YLPM1: variants seen among roughly 807,000 people sequenced by gnomAD.
The protein encoded by YLPM1 is YLP motif containing 1.
Under a neutral mutation model 230.0 loss-of-function variants are expected in YLPM1, and 99 were observed. That is an observed-to-expected ratio of 0.43 (90% CI 0.37 to 0.51). The LOEUF (loss-of-function observed/expected upper bound fraction) is 0.51. YLPM1 is among the 20% of genes least tolerant of loss of function. YLPM1 has a pLI of 0.00. For synonymous variants in YLPM1, 984 were observed against 942.5 expected (o/e 1.04, Z -0.81); for missense variants, 2,592 against 2,707.7 (o/e 0.96, Z 0.95).
rs750106759 is a variant in YLPM1 at position 74,764,337 on chromosome 14, C to T, written c.848C>T (p.Pro283Leu). The change falls in exon 1 of 21, where the codon CCA (proline) becomes CTA (leucine). Residue 283 changes from proline to leucine, a missense_variant. By Grantham distance (98) the Pro-to-Leu change is moderately conservative. This residue lies in a region of YLPM1 where 1,862 missense variants were observed against 1,819.8 expected (regional missense o/e 1.02). Transcript: ENST00000325680. ...GAACAGCAGCAAGCCGCCCCTGAGC[C>T]AGATCCCTCTACGATGACTCCACAG... is the stretch of plus-strand genomic sequence containing the variant. ...STEQQQAAPE[P>L]DPSTMTPQEQ... 1.8e-5 allele frequency: 29 copies of T among 1,612,078 alleles called. No individual in the cohort carries two copies. In the South Asian group the frequency reaches 3.2e-4, roughly 18 times the overall value.
chr14:74,780,275 C>T (rs761257006), intron 2 of YLPM1, 130 bp from the exon 3 acceptor site: 67 of 1,142,226 alleles, frequency 5.9e-5, no homozygotes, highest in Non-Finnish European at 7.5e-5. Context: ...CCAAAAAGAA[C>T]TGAAGATACT....
intron 1 of YLPM1, among the ~76,000 whole-genome samples, chr14:74,775,490 T>A (rs1186976328): frequency 1.3e-5 from 2 of 152,226 alleles, no homozygotes; most frequent in African/African-American, 4.8e-5. Context: ...TATCCAGAGA[T>A]AATTGGATTA....
intron 4 of YLPM1, among the ~76,000 whole-genome samples, chr14:74,786,361 C>CAAA (rs57016882): frequency 1.7e-4 from 14 of 80,162 alleles, no homozygotes; most frequent in African/African-American, 3.1e-4. Flanking sequence ...GACTCCGTCT[C>CAAA]AAAAAAAAAA....
chr14:74,823,464 A>G (rs369275024), intron 17 of YLPM1, among the ~76,000 whole-genome samples: 3 of 152,266 alleles, frequency 2.0e-5, no homozygotes, highest in Non-Finnish European at 2.9e-5. Flanking sequence ...GCATAGTTCA[A>G]TAGGCACACT....
At chr14:74,769,852 CCCCCCCCCCCG>C (rs2090957497) in intron 1 of YLPM1, among the ~76,000 whole-genome samples, 1 of 52,248 alleles carries the variant, frequency 1.9e-5, no homozygotes, top group African/African-American at 1.1e-4. Context: ...AAGTGAGACA[CCCCCCCCCCCG>C]CCCCCCGCCC....
At chr14:74,776,430 GT>G (rs747011952) in intron 1 of YLPM1, among the ~76,000 whole-genome samples, 1 of 152,174 alleles carries the variant, frequency 6.6e-6, no homozygotes, top group Non-Finnish European at 1.5e-5. Flanking sequence ...TGTAGCACTT[GT>G]CCGAACAAAG....
At position 74,819,615 on chromosome 14, in the gene YLPM1, C is replaced by T. The variant is rs149307505; in HGVS notation, c.6030+1301C>T. 1.3e-3 allele frequency among the ~76,000 whole-genome samples: 195 copies of T among 152,238 alleles called. 1 individual carries two copies. Among genetic ancestry groups the T allele is most frequent in the African/African-American group, 4.6e-3 (193 of 41,536 alleles). ...TGTGTTTTTAATTCCCATGCCATTT[C>T]TCAACCCATTTTTTTCTGGCTTCTG... On this transcript the variant is annotated intron_variant, in intron 16 of 20. Coordinates refer to ENST00000325680, the MANE Select transcript of YLPM1 (RefSeq NM_019589.3).
rs773848234 is a variant in YLPM1, at chr14:74,798,318, T to G, written c.3021T>G (p.Asp1007Glu). The G allele has an allele frequency of 6.2e-7, 1 of 1,613,748 alleles. No individual in the cohort carries two copies. The highest frequency in any genetic ancestry group is 1.7e-5 in the Admixed American group (1 of 59,990). Residue 1007 changes from aspartate (D) to glutamate (E), a missense_variant, in exon 5 of 21, where the codon GAT (aspartate) becomes GAG (glutamate). Asp to Glu is a conservative substitution (Grantham distance 45). Coordinates refer to ENST00000325680, the MANE Select transcript of YLPM1 (RefSeq NM_019589.3). ...DKGLPRPDNR[D>E]NRLEGNRGNS... ...GCCTGCCTCGGCCAGATAATAGAGA[T>G]AATAGATTAGAAGGCAATAGAGGCA...
At position 74,817,292 on chromosome 14, in the gene YLPM1, C is replaced by T. The variant is rs376675254; in HGVS notation, c.5946+15C>T. 12 of 1,559,516 alleles carry T rather than the reference C, an allele frequency of 7.7e-6. No homozygotes were observed. Among genetic ancestry groups the T allele is most frequent in the Non-Finnish European group, 1.0e-5 (12 of 1,150,966 alleles). On this transcript the variant is annotated intron_variant, in intron 15 of 20. Coordinates refer to ENST00000325680, the MANE Select transcript of YLPM1 (RefSeq NM_019589.3). ...AAATAAATAAGGTGATTTTAAGAAA[C>T]ATAGAATAATAGAGTACTATCATGC...
chr14:74,794,812 TAAGG>T (rs1566749314), intron 4 of YLPM1, among the ~76,000 whole-genome samples: 1 of 151,982 alleles, frequency 6.6e-6, no homozygotes, highest in Non-Finnish European at 1.5e-5. Flanking sequence ...TATATCAAAT[TAAGG>T]AAGAAATATT....
At position 74,768,820 on chromosome 14, in the gene YLPM1, C is replaced by T. The variant is rs1385807182; in HGVS notation, c.873+4458C>T. 4.6e-5 allele frequency among the ~76,000 whole-genome samples: 7 copies of T among 151,862 alleles called. 1 individual carries two copies. Among genetic ancestry groups the T allele is most frequent in the Admixed American group, 1.3e-4 (2 of 15,252 alleles). ...CATTTAGTAAGTAATTAAGAGGAGACGTACAGAGTGCTATGGGATTATAAA... is the reference window on the plus strand; with the variant it reads ...CATTTAGTAAGTAATTAAGAGGAGATGTACAGAGTGCTATGGGATTATAAA... On this transcript the variant is annotated intron_variant, in intron 1 of 20. Coordinates refer to ENST00000325680, the MANE Select transcript of YLPM1 (RefSeq NM_019589.3).
intron 1 of YLPM1, among the ~76,000 whole-genome samples, chr14:74,774,368 G>T (rs1366551291): frequency 6.6e-6 from 1 of 152,152 alleles, no homozygotes. Context: ...AAGTAGCTGG[G>T]ATTACAGGCA....
rs757836692 is a variant in YLPM1 at position 74,816,680 on chromosome 14, T to A, written c.5675T>A (p.Val1892Glu). Residue 1892 changes from valine (V) to glutamate (E), a missense_variant, in exon 13 of 21, where the codon GTG becomes GAG. This residue lies in a region of YLPM1 where 315 missense variants were observed against 429.3 expected (regional missense o/e 0.73). Transcript: ENST00000325680. The stretch of plus-strand genomic sequence containing the variant: ...AAAGATCCAGATTCTGGAAAGAAAG[T>A]GAAAAAGAAGGTATGGTATTCATCT... ...EEKDPDSGKK[V>E]KKKVMEYEYE... 2.5e-6 allele frequency: 4 copies of A among 1,611,904 alleles called. No homozygotes were observed. The highest frequency in any genetic ancestry group is 3.4e-6 in the Non-Finnish European group (4 of 1,179,164).
At chr14:74,797,527 A>AT (rs538785709) in intron 4 of YLPM1, 53 bp from the exon 5 acceptor site, 5,224 of 1,272,438 alleles carry the variant, frequency 4.1e-3, no homozygotes, top group South Asian at 5.7e-3. Flanking sequence ...TACATGGAGA[A>AT]TTTTTTTTTT....
intron 1 of YLPM1, among the ~76,000 whole-genome samples, chr14:74,769,877 A>G (rs566845812): frequency 5.3e-5 from 7 of 131,628 alleles, no homozygotes; most frequent in African/African-American, 1.9e-4. Context: ...CCCGCCCACA[A>G]AAAGTTTAAA....
At chr14:74,778,346 T>C in intron 1 of YLPM1, 101 bp from the exon 2 acceptor site, 1 of 1,020,388 alleles carries the variant, frequency 9.8e-7, no homozygotes, top group Non-Finnish European at 1.4e-6. Context: ...TTTTTACATA[T>C]AGACACATGA....
At chr14:74,806,208 TC>T in intron 6 of YLPM1, among the ~76,000 whole-genome samples, 1 of 151,670 alleles carries the variant, frequency 6.6e-6, no homozygotes, top group South Asian at 2.1e-4. Flanking sequence ...AATATAAAAA[TC>T]AGCTGGGCTT....
At chr14:74,766,276 A>G (rs2090910249) in intron 1 of YLPM1, among the ~76,000 whole-genome samples, 1 of 152,208 alleles carries the variant, frequency 6.6e-6, no homozygotes, top group African/African-American at 2.4e-5. Context: ...TGCCAGTACC[A>G]GTCTCTGGCA....
At position 74,797,653 on chromosome 14, in the gene YLPM1, G is replaced by A; in HGVS notation, c.2356G>A (p.Glu786Lys). The A allele has an allele frequency of 1.3e-6, 2 of 1,587,174 alleles. No homozygotes were observed. The highest frequency in any genetic ancestry group is 1.7e-6 in the Non-Finnish European group (2 of 1,165,988). ...EGPRPKGPRF[E>K]GNRPDGPRPR... ...ACCGAGACCCAAAGGGCCTCGTTTT[G>A]AAGGAAATCGCCCCGATGGGCCAAG... Residue 786 changes from glutamate to lysine, a missense_variant, in exon 5 of 21, where the codon GAA becomes AAA. By Grantham distance (56) the Glu-to-Lys change is moderately conservative (BLOSUM62 1). This residue lies in a region of YLPM1 where 1,862 missense variants were observed against 1,819.8 expected (regional missense o/e 1.02). Transcript: ENST00000325680.
Sources: allele counts gnomAD v4.1 joint callset (sites outside exome capture counted in the v4.1 genomes callset), GRCh38; gene constraint gnomAD v4.1.1; regional missense constraint gnomAD v4.1.1; transcripts MANE v1.5; gene names NCBI Gene and HGNC (gene_info 2026-07-23, HGNC 2026-07-21).